The following CDKL4 variants were observed in gnomAD, a reference collection of about 807,000 sequenced individuals.
CDKL4 encodes cyclin-dependent kinase-like 4.
CDKL4 carries 44 observed loss-of-function variants against 42.0 expected under a neutral mutation model. The observed-to-expected ratio is 1.05, with a 90% CI of 0.82 to 1.35. The LOEUF (loss-of-function observed/expected upper bound fraction) is 1.35. CDKL4 is among the 40% of genes most tolerant of loss of function. CDKL4 has a pLI of 0.00. For missense variants in CDKL4, 393 were observed against 369.9 expected (o/e 1.06, Z -0.51); for synonymous variants, 120 against 121.6 (o/e 0.99, Z 0.09).
chr2:39,246,894 T>G (rs2148421939), upstream of CDKL4, among the ~76,000 whole-genome samples: 1 of 152,284 alleles, frequency 6.6e-6, no homozygotes, highest in Non-Finnish European at 1.5e-5. Context: ...ACTATAGGCA[T>G]GTGCCATTAT....
chr2:39,220,618 C>T (rs939697638), intron 3 of CDKL4, among the ~76,000 whole-genome samples: 9 of 151,298 alleles, frequency 5.9e-5, no homozygotes, highest in African/African-American at 9.7e-5. Context: ...GATGGAGTTT[C>T]GCTCTGTCGC....
At chr2:39,237,631 G>A (rs1278280118) in intron 1 of CDKL4, among the ~76,000 whole-genome samples, 6 of 152,176 alleles carry the variant, frequency 3.9e-5, no homozygotes, top group African/African-American at 9.7e-5. Context: ...CAAGGTGGGA[G>A]GATTGCTTGA....
At chr2:39,227,830 C>A (rs1440065057) in intron 2 of CDKL4, among the ~76,000 whole-genome samples, 1 of 152,194 alleles carries the variant, frequency 6.6e-6, no homozygotes, top group Non-Finnish European at 1.5e-5. Flanking sequence ...GCAATTTATA[C>A]CGCCTTTGCA....
At chr2:39,212,482 C>T (rs984005759) in intron 4 of CDKL4, among the ~76,000 whole-genome samples, 4 of 152,112 alleles carry the variant, frequency 2.6e-5, no homozygotes, top group African/African-American at 9.7e-5. Flanking sequence ...ATCCGCCTGC[C>T]TCGGCCTCCC....
chr2:39,205,292 T>C (rs1457707427), intron 4 of CDKL4, among the ~76,000 whole-genome samples: 2 of 152,228 alleles, frequency 1.3e-5, no homozygotes, highest in Non-Finnish European at 2.9e-5. Context: ...TAAATGAGAT[T>C]AGACTTAAGA....
intron 4 of CDKL4, among the ~76,000 whole-genome samples, chr2:39,206,826 T>C (rs1392761985): frequency 6.6e-6 from 1 of 152,220 alleles, no homozygotes; most frequent in African/African-American, 2.4e-5. Context: ...TCTGCCTCCT[T>C]TTCTACTATG....
At chr2:39,185,125 CACAT>C (rs1675648464) in intron 7 of CDKL4, among the ~76,000 whole-genome samples, 1 of 139,126 alleles carries the variant, frequency 7.2e-6, no homozygotes. Flanking sequence ...TATATACACA[CACAT>C]ATATATACAT....
At chr2:39,174,512 T>C (rs1043340848), downstream of CDKL4, among the ~76,000 whole-genome samples, 1 of 152,170 alleles carries the variant, frequency 6.6e-6, no homozygotes, top group Non-Finnish European at 1.5e-5. Flanking sequence ...GTTTATGTGT[T>C]TCTAAGTGCG....
intron 2 of CDKL4, among the ~76,000 whole-genome samples, chr2:39,228,324 G>A (rs1678886100): frequency 1.3e-5 from 2 of 152,068 alleles, no homozygotes; most frequent in South Asian, 4.1e-4. Flanking sequence ...TTATCATGAT[G>A]GATGTGTTCC....
chr2:39,191,832 G>A (rs1398399632), intron 5 of CDKL4, among the ~76,000 whole-genome samples: 7 of 152,174 alleles, frequency 4.6e-5, no homozygotes, highest in Non-Finnish European at 1.0e-4. Flanking sequence ...GACCCTGAAC[G>A]ATCAGGAGCT....
At chr2:39,246,888 T>C (rs1335330008), upstream of CDKL4, among the ~76,000 whole-genome samples, 1 of 152,170 alleles carries the variant, frequency 6.6e-6, no homozygotes, top group Non-Finnish European at 1.5e-5. Context: ...GCTGGGACTA[T>C]AGGCATGTGC....
intron 6 of CDKL4, among the ~76,000 whole-genome samples, 197 bp downstream of exon 6, chr2:39,190,108 G>A (rs1350902264): frequency 6.6e-6 from 1 of 152,218 alleles, no homozygotes; most frequent in East Asian, 1.9e-4. Context: ...CTCCCTGAGA[G>A]GAGTTACGGT....
chr2:39,182,396 C>G (rs977569342), intron 8 of CDKL4, among the ~76,000 whole-genome samples: 1 of 152,222 alleles, frequency 6.6e-6, no homozygotes, highest in Admixed American at 6.5e-5. Flanking sequence ...TTAGAAGACA[C>G]TGCTAATGCT....
At chr2:39,195,872 G>T (rs755133748) in intron 5 of CDKL4, among the ~76,000 whole-genome samples, 1 of 152,048 alleles carries the variant, frequency 6.6e-6, no homozygotes, top group Non-Finnish European at 1.5e-5. Flanking sequence ...TTGATAGGAG[G>T]CAGGACTAAC....
rs546105185 is a variant in CDKL4, at chr2:39,177,589, G to C, written c.928-1493C>G. On this transcript the variant is annotated intron_variant, in intron 9 of 9. Coordinates refer to ENST00000451199, the Ensembl canonical transcript of CDKL4. ...CTGGCTAATTTTTGTATTTTTAGTA[G>C]AGATGGGGTTTTGCCATGTTGGCCA... Among the ~76,000 whole-genome samples, 12 of 151,914 alleles carry C rather than the reference G, an allele frequency of 7.9e-5. 1 individual carries two copies. The South Asian group carries it at 2.5e-3, about 32-fold the overall frequency.
intron 4 of CDKL4, among the ~76,000 whole-genome samples, chr2:39,208,801 G>A (rs1302756257): frequency 1.4e-5 from 2 of 141,972 alleles, no homozygotes; most frequent in African/African-American, 5.3e-5. Context: ...CTGCAAACTT[G>A]CACACCAGAA....
At chr2:39,204,685 G>A (rs1013987063) in intron 4 of CDKL4, 68 bp from the exon 5 acceptor site, 7 of 824,494 alleles carry the variant, frequency 8.5e-6, no homozygotes, top group African/African-American at 7.0e-5. Flanking sequence ...TTAACTACTA[G>A]TTTAAATAAC....
In CDKL4 at chr2:39,190,817, C is replaced by G. The variant is rs184103216; in HGVS notation, c.455-315G>C. Among the ~76,000 whole-genome samples the G allele has an allele frequency of 7.9e-5, 12 of 152,240 alleles. No homozygotes were observed. In the East Asian group the frequency reaches 2.3e-3, roughly 29 times the overall value. On this transcript the variant is annotated intron_variant, in intron 5 of 9. Coordinates refer to ENST00000451199, the Ensembl canonical transcript of CDKL4. ...AACCGCATTGTTGGTTTCCACTTTA[C>G]CATCAGCATGGTGGTTGTTGTGCAC... is the stretch of plus-strand genomic sequence containing the variant.
chr2:39,189,521 G>A (rs1281316890), intron 6 of CDKL4, among the ~76,000 whole-genome samples: 2 of 152,328 alleles, frequency 1.3e-5, no homozygotes, highest in Admixed American at 6.5e-5. Flanking sequence ...CAAAGAAGAT[G>A]TGTTAACATT....
Sources: gnomAD v4.1 joint callset for allele counts (sites outside exome capture counted in the v4.1 genomes callset) on GRCh38, gnomAD v4.1.1 for gene constraint, MANE v1.5 for transcripts, NCBI Gene and HGNC (gene_info 2026-07-23, HGNC 2026-07-21) for gene names.